ANTXR1: variants seen among roughly 807,000 people sequenced by gnomAD.
ANTXR1 encodes anthrax toxin receptor 1.
A neutral mutation model predicts 78.1 loss-of-function variants in ANTXR1; 19 were observed. That is an observed-to-expected ratio of 0.24 (90% CI 0.17 to 0.36). The LOEUF (loss-of-function observed/expected upper bound fraction) is 0.36. Ranked by LOEUF, ANTXR1 falls within the 10% of genes least tolerant of loss-of-function variation. ANTXR1 has a pLI of 1.00. For synonymous variants in ANTXR1, 273 were observed against 260.5 expected, an observed-to-expected ratio of 1.05 and a Z score of -0.46; for missense variants, 518 against 718.6, an observed-to-expected ratio of 0.72 and a Z score of 3.19.
chr2:69,182,463 T>C (rs2104463238), intron 15 of ANTXR1, 30 bp from the exon 16 acceptor site: 1 of 1,613,552 alleles, frequency 6.2e-7, no homozygotes, highest in Non-Finnish European at 8.5e-7. Flanking sequence ...TATTTTGTCA[T>C]TTCATTTCAT....
chr2:69,143,057 C>G (rs1424289234), intron 12 of ANTXR1, among the ~76,000 whole-genome samples: 1 of 152,152 alleles, frequency 6.6e-6, no homozygotes, highest in Non-Finnish European at 1.5e-5. Context: ...CAATGAAGAG[C>G]TATTAAAAAG....
At chr2:69,115,430 C>T (rs1460493454) in intron 10 of ANTXR1, among the ~76,000 whole-genome samples, 2 of 152,176 alleles carry the variant, frequency 1.3e-5, no homozygotes, top group Non-Finnish European at 2.9e-5. Flanking sequence ...ATGTTGAGTG[C>T]TTATTAAGTG....
chr2:69,154,837 C>T (rs1558605499), intron 13 of ANTXR1, among the ~76,000 whole-genome samples: 2 of 152,202 alleles, frequency 1.3e-5, no homozygotes, highest in South Asian at 2.1e-4. Flanking sequence ...CCCCCACCCC[C>T]GCTGAGCCAC....
intron 10 of ANTXR1, among the ~76,000 whole-genome samples, chr2:69,116,050 A>G (rs1304285316): frequency 6.6e-6 from 1 of 152,150 alleles, no homozygotes; most frequent in African/African-American, 2.4e-5. Flanking sequence ...TGACTTCTCA[A>G]CCACTGTTCA....
At chr2:69,032,908 T>C (rs930870004) in intron 1 of ANTXR1, among the ~76,000 whole-genome samples, 1 of 152,232 alleles carries the variant, frequency 6.6e-6, no homozygotes, top group African/African-American at 2.4e-5. Flanking sequence ...TATGTGTAAT[T>C]GAACAAAAGT....
chr2:69,032,007 T>C (rs967148912), intron 1 of ANTXR1, among the ~76,000 whole-genome samples: 3 of 150,490 alleles, frequency 2.0e-5, no homozygotes, highest in Non-Finnish European at 3.0e-5. Context: ...CCATTATGTA[T>C]GTAAAGATAT....
intron 9 of ANTXR1, among the ~76,000 whole-genome samples, chr2:69,092,755 T>C (rs1671281346): frequency 6.6e-6 from 1 of 152,216 alleles, no homozygotes; most frequent in Non-Finnish European, 1.5e-5. Flanking sequence ...GCCTGTGCAG[T>C]GAGGAGCCTC....
intron 2 of ANTXR1, among the ~76,000 whole-genome samples, chr2:69,044,285 G>A (rs113264650): frequency 5.3e-4 from 80 of 152,062 alleles, no homozygotes; most frequent in Non-Finnish European, 8.8e-4. Context: ...CAGATCAAAG[G>A]GAGTTTGTTA....
intron 17 of ANTXR1, among the ~76,000 whole-genome samples, chr2:69,221,463 GT>G (rs1165368016): frequency 6.6e-6 from 1 of 152,112 alleles, no homozygotes; most frequent in Non-Finnish European, 1.5e-5. Flanking sequence ...TAAGAATAAA[GT>G]AAAAATAAAA....
At chr2:69,214,310 G>A (rs1055498330) in intron 17 of ANTXR1, among the ~76,000 whole-genome samples, 1 of 152,196 alleles carries the variant, frequency 6.6e-6, no homozygotes, top group Non-Finnish European at 1.5e-5. Context: ...AAGAAGACAA[G>A]TGACATGATC....
At chr2:69,122,011 T>C (rs1672363061) in intron 10 of ANTXR1, among the ~76,000 whole-genome samples, 1 of 152,236 alleles carries the variant, frequency 6.6e-6, no homozygotes, top group African/African-American at 2.4e-5. Flanking sequence ...CTACATCTGC[T>C]ATGACCTCCA....
At chr2:69,221,306 T>A (rs915677160) in intron 17 of ANTXR1, among the ~76,000 whole-genome samples, 2 of 152,142 alleles carry the variant, frequency 1.3e-5, no homozygotes, top group Non-Finnish European at 2.9e-5. Context: ...TACAGTAAAA[T>A]CTCACATAAG....
At chr2:69,210,638 G>A (rs561721016) in intron 17 of ANTXR1, among the ~76,000 whole-genome samples, 177 of 152,280 alleles carry the variant, frequency 1.2e-3, no homozygotes, top group Non-Finnish European at 2.1e-3. Flanking sequence ...AAAATTGTAC[G>A]TAAGAACCAG....
chr2:69,106,461 C>T (rs921614947), intron 10 of ANTXR1, among the ~76,000 whole-genome samples: 5 of 152,358 alleles, frequency 3.3e-5, no homozygotes, highest in African/African-American at 4.8e-5. Flanking sequence ...GGCCAGGCTG[C>T]GGGCTGTGAC....
At chr2:69,056,686 T>C (rs1437134477) in intron 3 of ANTXR1, among the ~76,000 whole-genome samples, 1 of 152,180 alleles carries the variant, frequency 6.6e-6, no homozygotes, top group Admixed American at 6.5e-5. Flanking sequence ...TAAAATTTTA[T>C]TTATTTTTGA....
chr2:69,200,918 G>A (rs1194222589), intron 17 of ANTXR1, among the ~76,000 whole-genome samples: 5 of 152,124 alleles, frequency 3.3e-5, no homozygotes, highest in Non-Finnish European at 7.3e-5. Context: ...CTTTTCCAAG[G>A]ACACACAGCT....
chr2:69,232,808 G>C (rs1323604505), intron 17 of ANTXR1, among the ~76,000 whole-genome samples: 4 of 152,124 alleles, frequency 2.6e-5, no homozygotes, highest in Non-Finnish European at 4.4e-5. Context: ...AGCAAAATCA[G>C]TAGAAGCAAG....
chr2:69,243,651 G>T (rs959670521), intron 17 of ANTXR1, among the ~76,000 whole-genome samples: 10 of 152,134 alleles, frequency 6.6e-5, no homozygotes, highest in Admixed American at 5.2e-4. Flanking sequence ...AGCAGCAATT[G>T]TTCCCCAAAT....
intron 7 of ANTXR1, among the ~76,000 whole-genome samples, 182 bp downstream of exon 7, chr2:69,075,840 G>A (rs1670715291): frequency 6.6e-6 from 1 of 152,208 alleles, no homozygotes; most frequent in African/African-American, 2.4e-5. Flanking sequence ...ATTTGCTGAT[G>A]CTCTTGAGGT....
Sources: allele counts gnomAD v4.1 joint callset (sites outside exome capture counted in the v4.1 genomes callset), GRCh38; gene constraint gnomAD v4.1.1; transcripts MANE v1.5; gene names NCBI Gene and HGNC (gene_info 2026-07-23, HGNC 2026-07-21).